The following NDUFA10 variants were observed in gnomAD, a reference collection of about 807,000 sequenced individuals.
NDUFA10 encodes NADH dehydrogenase [ubiquinone] 1 alpha subcomplex subunit 10, mitochondrial.
NDUFA10 carries 40 observed loss-of-function variants against 47.8 expected under a neutral mutation model. That is an observed-to-expected ratio of 0.84 (90% confidence interval 0.65 to 1.09). NDUFA10 has a LOEUF of 1.09. Ranked by LOEUF, NDUFA10 falls within the 50% of genes least tolerant of loss-of-function variation. NDUFA10 has a pLI of 0.00. For missense variants in NDUFA10, 413 were observed against 451.1 expected (o/e 0.92, Z 0.76); for synonymous variants, 183 against 172.2 (o/e 1.06, Z -0.49).
chr2:239,961,634 G>C (rs552910370), intron 9 of NDUFA10, among the ~76,000 whole-genome samples: 1 of 152,222 alleles, frequency 6.6e-6, no homozygotes, highest in Non-Finnish European at 1.5e-5. Context: ...CCTCTGAAGA[G>C]GGCCTGCAGA....
Position 240,005,163 on chromosome 2 carries a change from G to C in NDUFA10, c.890+47C>G. 5 of 1,496,092 alleles carry C rather than the reference G, an allele frequency of 3.3e-6. 1 individual carries two copies. The highest frequency in any genetic ancestry group is 4.7e-6 in the Non-Finnish European group (5 of 1,072,676). The allele number at this position is 1,496,092 out of a possible 1,614,324, so 92.7% of individuals were successfully genotyped here. A position where few individuals can be genotyped will look rare whatever the true frequency, so the allele number is the denominator to read the frequency against. On this transcript the variant is annotated intron_variant, in intron 8 of 9. Transcript: ENST00000252711. ...AAACTTCCCTAAGTTTCCCCATCAT[G>C]CAAGTAGACCCCAGACATGCAGCAG... is the stretch of plus-strand genomic sequence containing the variant.
chr2:239,983,973 C>T (rs1253980148), intron 9 of NDUFA10, among the ~76,000 whole-genome samples: 2 of 152,140 alleles, frequency 1.3e-5, no homozygotes, highest in African/African-American at 4.8e-5. Flanking sequence ...TGGCTCACAC[C>T]TGTAATCCCA....
intron 9 of NDUFA10, chr2:239,973,482 A>G (rs1574832603): frequency 2.1e-6 from 1 of 470,140 alleles, no homozygotes; most frequent in African/African-American, 2.0e-5. Context: ...ACAACTTGAG[A>G]TAGTAAAAGA....
chr2:239,910,432 G>C (rs1574771259), intron 4 of NDUFA10, among the ~76,000 whole-genome samples: 1 of 152,156 alleles, frequency 6.6e-6, no homozygotes. Flanking sequence ...GGGTGGAGCT[G>C]GAAGCCATCA....
chr2:240,014,952 A>G, intron 4 of NDUFA10, 92 bp from the exon 5 acceptor site: 3 of 1,564,596 alleles, frequency 1.9e-6, no homozygotes, highest in Non-Finnish European at 2.6e-6. Flanking sequence ...GCAAACATAC[A>G]CGCAATTCTC....
chr2:239,952,953 G>T (rs2106385201), downstream of NDUFA10, among the ~76,000 whole-genome samples: 1 of 152,350 alleles, frequency 6.6e-6, no homozygotes. Context: ...CACGTGGGAG[G>T]TAAGAAGAAG....
Position 239,960,535 on chromosome 2 carries a change from T to C in NDUFA10, c.*583A>G, listed in dbSNP as rs1574811559. The stretch of plus-strand genomic sequence containing the variant: ...TGTAAATCTGTGGTAATTTTCTCCT[T>C]TTGCTATTTCTTCTTCACGTTCTTA... On this transcript the variant is annotated 3_prime_UTR_variant, in exon 10 of 10. Coordinates refer to ENST00000252711, the MANE Select transcript of NDUFA10 (RefSeq NM_004544.4). The C allele has an allele frequency of 3.0e-6, 3 of 998,654 alleles. No individual in the cohort carries two copies. In the East Asian group the frequency reaches 2.9e-4, roughly 98 times the overall value. 61.9% of individuals were successfully genotyped at this position (998,654 alleles called of 1,614,324 possible).
At chr2:240,005,147 T>C (rs1696893610) in intron 8 of NDUFA10, 63 bp downstream of exon 8, 2 of 1,392,884 alleles carry the variant, frequency 1.4e-6, no homozygotes, top group Admixed American at 3.4e-5. Flanking sequence ...CAAACTTCCC[T>C]AAGTTTCCCC....
chr2:240,010,250 T>C (rs980134081), intron 6 of NDUFA10, among the ~76,000 whole-genome samples: 2 of 152,208 alleles, frequency 1.3e-5, no homozygotes, highest in African/African-American at 2.4e-5. Flanking sequence ...ACAGAGACTG[T>C]ATCTGTTCCT....
At chr2:239,953,544 G>A (rs778585558), downstream of NDUFA10, among the ~76,000 whole-genome samples, 1 of 152,150 alleles carries the variant, frequency 6.6e-6, no homozygotes, top group Non-Finnish European at 1.5e-5. Flanking sequence ...GAAACAGGAG[G>A]GTTTCTCACC....
At chr2:239,930,611 A>G (rs1694150638) in intron 4 of NDUFA10, among the ~76,000 whole-genome samples, 1 of 152,070 alleles carries the variant, frequency 6.6e-6, no homozygotes, top group Non-Finnish European at 1.5e-5. Context: ...GCACCCGGCC[A>G]ATCAGTGGTG....
intron 4 of NDUFA10, among the ~76,000 whole-genome samples, chr2:239,904,970 TATA>T (rs768433320): frequency 1.3e-5 from 2 of 152,194 alleles, no homozygotes; most frequent in Non-Finnish European, 2.9e-5. Context: ...TTCCGCCTCT[TATA>T]TAGACACCTG....
chr2:239,917,106 A>G (rs1693892948), intron 4 of NDUFA10, among the ~76,000 whole-genome samples: 3 of 152,220 alleles, frequency 2.0e-5, no homozygotes, highest in African/African-American at 7.2e-5. Context: ...GTGGGGTCTC[A>G]GGTTAGGCCA....
In NDUFA10 at chr2:239,961,851, G is replaced by A. The variant is rs117518966; in HGVS notation, c.1000-665C>T. Among the ~76,000 whole-genome samples, 925 of 152,336 alleles carry A rather than the reference G, an allele frequency of 6.1e-3. 14 individuals carry two copies. Among genetic ancestry groups the A allele is most frequent in the East Asian group, 0.043 (220 of 5,168 alleles). ...AGCGGATGCTGCCAGAGAGGCCAGT[G>A]GGGGGCTGAGCTTGGCAGTGATGGA... On this transcript the variant is annotated intron_variant, in intron 9 of 9. Transcript: ENST00000252711.
intron 9 of NDUFA10, chr2:239,973,402 C>G: frequency 2.3e-6 from 1 of 425,926 alleles, no homozygotes; most frequent in East Asian, 7.0e-5. Context: ...ACAGTATTAA[C>G]ATATTAAAGT....
Position 239,994,873 on chromosome 2 carries a change from T to C in NDUFA10, c.891-4691A>G, listed in dbSNP as rs114098044. On this transcript the variant is annotated intron_variant, in intron 8 of 9. Transcript: ENST00000252711. The stretch of plus-strand genomic sequence containing the variant: ...AACTTCCAGCTTCAGCTCCAAAGGG[T>C]GAAGGCTGGAAGCTGTAATTTCCAT... Among the ~76,000 whole-genome samples, 1,377 of 152,286 alleles carry C rather than the reference T, an allele frequency of 9.0e-3. 17 individuals carry two copies. The highest frequency in any genetic ancestry group is 0.031 in the African/African-American group (1,280 of 41,560).
intron 4 of NDUFA10, among the ~76,000 whole-genome samples, chr2:239,898,978 GTAT>G: frequency 7.6e-6 from 1 of 131,488 alleles, no homozygotes; most frequent in Admixed American, 7.4e-5. Flanking sequence ...TGATGAAGAG[GTAT>G]GATGGAGAGG....
chr2:239,956,097 C>G (rs147465035), downstream of NDUFA10, among the ~76,000 whole-genome samples: 695 of 152,208 alleles, frequency 4.6e-3, 8 homozygotes, highest in African/African-American at 0.016. Flanking sequence ...CAGGCCATTC[C>G]CGGTACACCC....
At chr2:239,984,763 C>T (rs1190500779) in intron 9 of NDUFA10, among the ~76,000 whole-genome samples, 1 of 152,248 alleles carries the variant, frequency 6.6e-6, no homozygotes, top group African/African-American at 2.4e-5. Flanking sequence ...AGAGAAGAAG[C>T]AAACACAGCT....
Sources: gnomAD v4.1 joint callset for allele counts (sites outside exome capture counted in the v4.1 genomes callset) on GRCh38, gnomAD v4.1.1 for gene constraint, MANE v1.5 for transcripts, NCBI Gene and HGNC (gene_info 2026-07-23, HGNC 2026-07-21) for gene names.